Variants in ERMAP observed in about 807,000 individuals in gnomAD.
ERMAP encodes the protein erythroblast membrane associated protein (Scianna blood group), also known as erythroid membrane-associated protein.
Under a neutral mutation model 49.5 loss-of-function variants are expected in ERMAP, and 34 were observed. The observed-to-expected ratio is 0.69, with a 90% CI of 0.52 to 0.91. The LOEUF is 0.91. Among genes scored for constraint, ERMAP ranks in the 40% least tolerant of loss-of-function variants. ERMAP has a pLI of 0.00. For missense variants in ERMAP, 541 were observed against 582.6 expected, an observed-to-expected ratio of 0.93 and a Z score of 0.74; for synonymous variants, 214 against 232.2, an observed-to-expected ratio of 0.92 and a Z score of 0.71.
rs1024879840 is a variant in ERMAP, at chr1:42,842,502, T to G, written c.713-15T>G. ...CCTATACTTCCAAGCCTCACCTGTC[T>G]GTGTCTCTTTGCAGTGGCAGTGACC... On this transcript the variant is annotated splice_polypyrimidine_tract_variant and intron_variant, in intron 11 of 11. Coordinates refer to ENST00000372517, the MANE Select transcript of ERMAP (RefSeq NM_001017922.2). 5 of 1,603,914 alleles carry G rather than the reference T, an allele frequency of 3.1e-6. No homozygotes were observed. In the African/African-American group the frequency reaches 6.7e-5, roughly 21 times the overall value.
intron 5 of ERMAP, 130 bp downstream of exon 5, chr1:42,835,284 A>T: frequency 1.5e-6 from 1 of 667,648 alleles, no homozygotes; most frequent in Non-Finnish European, 2.7e-6. Flanking sequence ...GTTGGCTGGG[A>T]GAAAACTGGT....
intron 4 of ERMAP, among the ~76,000 whole-genome samples, chr1:42,832,877 C>T (rs1024671284): frequency 4.6e-5 from 7 of 152,230 alleles, no homozygotes; most frequent in South Asian, 2.1e-4. Context: ...GGAAGAGGGC[C>T]ATGGCCAGGA....
chr1:42,824,262 G>A (rs563905610), intron 1 of ERMAP, among the ~76,000 whole-genome samples: 114 of 152,056 alleles, frequency 7.5e-4, no homozygotes, highest in African/African-American at 2.6e-3. Flanking sequence ...GCAGGAGAAT[G>A]GCATGAGCCC....
At chr1:42,840,333 G>A (rs373070329) in intron 11 of ERMAP, 37 bp downstream of exon 11, 35 of 1,613,384 alleles carry the variant, frequency 2.2e-5, no homozygotes, top group Non-Finnish European at 2.7e-5. Context: ...ATATCTCAGA[G>A]CACTTCCTCC....
intron 8 of ERMAP, 194 bp downstream of exon 8, chr1:42,839,115 T>C (rs1295387616): frequency 1.6e-5 from 12 of 763,778 alleles, no homozygotes; most frequent in Middle Eastern, 3.3e-4. Flanking sequence ...TGCACAACTA[T>C]TATTTAGTCT....
chr1:42,836,335 C>T (rs922578218), intron 6 of ERMAP, among the ~76,000 whole-genome samples: 1 of 152,160 alleles, frequency 6.6e-6, no homozygotes, highest in Admixed American at 6.5e-5. Flanking sequence ...GAATGGAAAA[C>T]CAGCCACCGC....
chr1:42,830,742 T>C, intron 3 of ERMAP, 26 bp from the exon 4 acceptor site: 1 of 1,504,066 alleles, frequency 6.6e-7, no homozygotes, highest in Non-Finnish European at 8.9e-7. Flanking sequence ...TCCCTCCCAG[T>C]TGGCCTTGTC....
In ERMAP at chr1:42,842,981, C is replaced by A; in HGVS notation, c.1177C>A (p.Pro393Thr). Residue 393 changes from proline to threonine, a missense_variant, in exon 12 of 12, where the codon CCT (proline) becomes ACT (threonine). Pro to Thr is a conservative substitution (Grantham distance 38). Transcript: ENST00000372517. ...FTHNFSGPLR[P>T]FFEPCLHDGG... The stretch of plus-strand genomic sequence containing the variant: ...CCACAATTTCTCTGGCCCCCTTCGC[C>A]CTTTCTTTGAACCTTGCCTTCATGA... 2 of 1,614,206 alleles carry A rather than the reference C, an allele frequency of 1.2e-6. No homozygotes were observed. Among genetic ancestry groups the A allele is most frequent in the African/African-American group, 1.3e-5 (1 of 75,048 alleles).
chr1:42,830,266 C>T (rs1380505885), intron 2 of ERMAP, 178 bp from the exon 3 acceptor site: 1 of 604,162 alleles, frequency 1.7e-6, no homozygotes, highest in Non-Finnish European at 3.0e-6. Context: ...GAAACACAGT[C>T]TCAGAGAAGT....
At position 42,843,874 on chromosome 1, in the gene ERMAP, ATGG is replaced by A. The variant is rs1180146144; in HGVS notation, c.*644_*646del. On this transcript the variant is annotated 3_prime_UTR_variant, in exon 12 of 12. Transcript: ENST00000372517. ...CTTTCAAAAGCTAATCTGCCTGTTGATGGTAACTAGGTACAGCGACTTTAAATA... is the reference window on the plus strand; with the variant it reads ...CTTTCAAAAGCTAATCTGCCTGTTGATAACTAGGTACAGCGACTTTAAATA... The A allele has an allele frequency of 2.5e-6, 1 of 395,284 alleles. No individual in the cohort carries two copies. Among genetic ancestry groups the A allele is most frequent in the African/African-American group, 2.1e-5 (1 of 48,574 alleles). The allele number at this position is 395,284 out of a possible 1,614,324, so 24.5% of individuals were successfully genotyped here.
In ERMAP at chr1:42,836,556, T is replaced by C. The variant is rs180824636; in HGVS notation, c.584-602T>C. Among the ~76,000 whole-genome samples, 91 of 152,220 alleles carry C rather than the reference T, an allele frequency of 6.0e-4. 1 individual carries two copies. In the Middle Eastern group the frequency reaches 0.01, roughly 17 times the overall value. ...CAAGGAATGGGGATATCAGATGTAA[T>C]TGTGCTTTGAAAAACTTGGCCGGGC... On this transcript the variant is annotated intron_variant, in intron 6 of 11. Transcript: ENST00000372517.
chr1:42,835,727 T>A lies in ERMAP; in HGVS notation c.551-5T>A. On this transcript the variant is annotated splice_region_variant and splice_polypyrimidine_tract_variant and intron_variant, in intron 5 of 11. Coordinates refer to ENST00000372517, the MANE Select transcript of ERMAP (RefSeq NM_001017922.2). The stretch of plus-strand genomic sequence containing the variant: ...GCTGAGCTGGCATTTCTCTCTCCCT[T>A]TTAGAAAAGCTTCTCTATGAACATG... 1 of 1,611,702 alleles carries A rather than the reference T, an allele frequency of 6.2e-7. No homozygotes were observed. Among genetic ancestry groups the A allele is most frequent in the South Asian group, 1.1e-5 (1 of 90,260 alleles).
At position 42,819,329 on chromosome 1, in the gene ERMAP, A is replaced by G. The variant is rs78312214; in HGVS notation, c.-122+2076A>G. Among the ~76,000 whole-genome samples the G allele has an allele frequency of 1.5e-3, 221 of 152,216 alleles. No individual in the cohort carries two copies. Among genetic ancestry groups the G allele is most frequent in the African/African-American group, 4.8e-3 (200 of 41,528 alleles). On this transcript the variant is annotated intron_variant, in intron 1 of 11. Coordinates refer to ENST00000372517, the MANE Select transcript of ERMAP (RefSeq NM_001017922.2). This position sits in a 1 kb window ranked among gnomAD's most constrained non-coding sequence, Gnocchi z 5.1. Reference sequence around the variant, plus strand: ...TTCAGAAAAGAACGGAACTGGAGATACCAGTTTGGGATTCTACATTCTTTA... The same window carrying G: ...TTCAGAAAAGAACGGAACTGGAGATGCCAGTTTGGGATTCTACATTCTTTA...
intron 11 of ERMAP, 110 bp downstream of exon 11, chr1:42,840,406 T>A: frequency 7.5e-7 from 1 of 1,333,622 alleles, no homozygotes; most frequent in Non-Finnish European, 1.1e-6. Context: ...TTAAAAATTT[T>A]TAAATCAAAT....
At chr1:42,836,864 C>T in intron 6 of ERMAP, 1 of 259,038 alleles carries the variant, frequency 3.9e-6, no homozygotes, top group Non-Finnish European at 7.2e-6. Flanking sequence ...TGCAGTGAGT[C>T]AAGATCATGC....
chr1:42,832,304 C>T (rs1654767500), intron 4 of ERMAP, among the ~76,000 whole-genome samples: 2 of 147,826 alleles, frequency 1.4e-5, no homozygotes, highest in African/African-American at 5.0e-5. Context: ...GATTCTCCTG[C>T]CTCAGCCTCC....
intron 2 of ERMAP, among the ~76,000 whole-genome samples, chr1:42,826,305 C>T (rs1337101960): frequency 6.6e-6 from 1 of 151,140 alleles, no homozygotes; most frequent in Non-Finnish European, 1.5e-5. Context: ...AGTGAGTAAT[C>T]AAAGAAATAC....
At chr1:42,835,215 A>C (rs1028951320) in intron 5 of ERMAP, 61 bp downstream of exon 5, 24 of 802,546 alleles carry the variant, frequency 3.0e-5, no homozygotes, top group Admixed American at 1.0e-4. Context: ...GCTCTGGGAA[A>C]GGGCCAGACG....
chr1:42,823,843 C>T (rs1167415114), intron 1 of ERMAP, among the ~76,000 whole-genome samples: 1 of 152,214 alleles, frequency 6.6e-6, no homozygotes, highest in East Asian at 1.9e-4. Flanking sequence ...CTGATTTGTG[C>T]TAGCTGTTTT....
Sources: gnomAD v4.1 joint callset for allele counts (sites outside exome capture counted in the v4.1 genomes callset) on GRCh38, gnomAD v4.1.1 for gene constraint, Gnocchi (gnomAD v3.1) non-coding constraint, MANE v1.5 for transcripts, NCBI Gene and HGNC (gene_info 2026-07-23, HGNC 2026-07-21) for gene names.